SRSF11: variants seen among roughly 807,000 people sequenced by gnomAD.
The protein encoded by SRSF11 is serine/arginine-rich splicing factor 11.
SRSF11 carries 9 observed loss-of-function variants against 56.0 expected under a neutral mutation model. The ratio of observed to expected loss-of-function variants is 0.16; its 90% CI spans 0.10 to 0.28. The LOEUF is 0.28. Among genes scored for constraint, SRSF11 ranks in the 10% least tolerant of loss-of-function variants. The pLI is 1.00. For missense variants in SRSF11, 421 were observed against 600.7 expected, an observed-to-expected ratio of 0.70 and a Z score of 3.13; for synonymous variants, 222 against 215.3, an observed-to-expected ratio of 1.03 and a Z score of -0.27.
At chr1:70,230,251 A>C in intron 2 of SRSF11, 1 of 1,000,444 alleles carries the variant, frequency 1.0e-6, no homozygotes, top group Non-Finnish European at 1.2e-6. Context: ...AATTAGGGGA[A>C]TATTTCATTC....
At chr1:70,235,639 T>C (rs1199662452) in intron 5 of SRSF11, 89 bp downstream of exon 5, 4 of 1,277,326 alleles carry the variant, frequency 3.1e-6, no homozygotes, top group Admixed American at 4.6e-5. Context: ...AAGAAAGTTA[T>C]CAAGTTATCT....
chr1:70,227,583 A>G (rs767661997), intron 1 of SRSF11, among the ~76,000 whole-genome samples: 14 of 152,140 alleles, frequency 9.2e-5, no homozygotes, highest in Admixed American at 3.9e-4. Context: ...AACTTTTGGT[A>G]TGGGCTTGAG....
chr1:70,222,352 G>A (rs963942824), intron 1 of SRSF11, among the ~76,000 whole-genome samples: 15 of 152,170 alleles, frequency 9.9e-5, no homozygotes, highest in Non-Finnish European at 1.9e-4. Flanking sequence ...GCTTAGTTTA[G>A]TGTGAGCCTG....
chr1:70,249,881 A>G (rs1354015128), intron 9 of SRSF11, 71 bp from the exon 10 acceptor site: 6 of 1,487,532 alleles, frequency 4.0e-6, no homozygotes, highest in East Asian at 2.3e-5. Flanking sequence ...TGTTAGAATC[A>G]TCTATGATGT....
intron 2 of SRSF11, chr1:70,231,931 CTG>C (rs1224734409): frequency 1.3e-6 from 2 of 1,530,552 alleles, no homozygotes; most frequent in East Asian, 2.5e-5. Flanking sequence ...GGAGAACCGA[CTG>C]TGCTTGCTTA....
intron 2 of SRSF11, chr1:70,230,909 A>G: frequency 8.4e-7 from 1 of 1,192,186 alleles, no homozygotes; most frequent in Non-Finnish European, 1.1e-6. Context: ...CTATATCTAA[A>G]TGATCTTCTC....
intron 9 of SRSF11, chr1:70,247,203 T>A: frequency 1.5e-6 from 1 of 677,054 alleles, no homozygotes; most frequent in Non-Finnish European, 1.9e-6. Flanking sequence ...TACTGAATTG[T>A]TCCATTAAGT....
At chr1:70,218,271 A>G (rs182813392), upstream of SRSF11, among the ~76,000 whole-genome samples, 47 of 152,368 alleles carry the variant, frequency 3.1e-4, no homozygotes, top group Middle Eastern at 3.4e-3. Flanking sequence ...CCTGGCCAAC[A>G]GGGCTGGTAT....
chr1:70,207,346 A>G (rs1669139875), intron 1 of SRSF11, among the ~76,000 whole-genome samples: 1 of 152,164 alleles, frequency 6.6e-6, no homozygotes, highest in African/African-American at 2.4e-5. Flanking sequence ...CTTATTTAAC[A>G]CAGTGACTAA....
At chr1:70,221,866 C>T (rs1279624094) in intron 1 of SRSF11, 27 bp downstream of exon 1, 3 of 1,612,546 alleles carry the variant, frequency 1.9e-6, no homozygotes, top group Non-Finnish European at 2.5e-6. Flanking sequence ...ATCACTGTTC[C>T]TGCTAACGCC....
At chr1:70,237,064 G>A (rs1443109357) in intron 5 of SRSF11, among the ~76,000 whole-genome samples, 1 of 152,068 alleles carries the variant, frequency 6.6e-6, no homozygotes, top group Non-Finnish European at 1.5e-5. Context: ...TGGGATTACA[G>A]GCGTGAGCCA....
rs537200414 is a variant in SRSF11 at position 70,232,410 on chromosome 1, G to GA, written c.447+40dup. 7.5e-4 allele frequency: 1,140 copies of GA among 1,514,590 alleles called. 1 individual carries two copies. Among genetic ancestry groups the GA allele is most frequent in the Non-Finnish European group, 9.5e-4 (1,057 of 1,108,546 alleles). 93.8% of individuals were successfully genotyped at this position (1,514,590 alleles called of 1,614,324 possible). On this transcript the variant is annotated intron_variant, in intron 3 of 11. Transcript: ENST00000370949. ...TTCTATTGAATTCTTAAAGGGTGGGGAAAAAAACAGAATTGTGCATAAAGC... is the reference window on the plus strand; with the variant it reads ...TTCTATTGAATTCTTAAAGGGTGGGGAAAAAAAACAGAATTGTGCATAAAGC...
chr1:70,205,999 TGTG>T (rs1290673558), intron 1 of SRSF11, among the ~76,000 whole-genome samples: 3 of 152,252 alleles, frequency 2.0e-5, no homozygotes, highest in East Asian at 1.9e-4. Flanking sequence ...GTTTGTCGCT[TGTG>T]GTGGTGGCGC....
chr1:70,215,316 A>G (rs1277187406), intron 1 of SRSF11, among the ~76,000 whole-genome samples: 1 of 152,244 alleles, frequency 6.6e-6, no homozygotes, highest in Non-Finnish European at 1.5e-5. Flanking sequence ...AGTTTGCTCA[A>G]CCAAATTTCC....
intron 1 of SRSF11, among the ~76,000 whole-genome samples, chr1:70,211,694 C>T (rs865978242): frequency 1.3e-5 from 2 of 151,976 alleles, no homozygotes; most frequent in Admixed American, 6.6e-5. Context: ...TTTTTTCCAT[C>T]CTTTGCAATA....
At chr1:70,245,499 C>G (rs1160714798) in intron 8 of SRSF11, among the ~76,000 whole-genome samples, 1 of 152,088 alleles carries the variant, frequency 6.6e-6, no homozygotes, top group African/African-American at 2.4e-5. Context: ...ATTAATAGAA[C>G]AGTTATACAA....
In SRSF11 at chr1:70,237,350, A is replaced by G. The variant is rs538405751; in HGVS notation, c.591-75A>G. 2.5e-6 allele frequency: 4 copies of G among 1,570,482 alleles called. No individual in the cohort carries two copies. In the South Asian group the frequency reaches 4.7e-5, roughly 19 times the overall value. ...GAATATTTTGCTAAAATAATGTTAT[A>G]TACTTAAGTATTTATTTGAAATGCT... On this transcript the variant is annotated intron_variant, in intron 5 of 11. Transcript: ENST00000370949.
upstream of SRSF11, among the ~76,000 whole-genome samples, chr1:70,219,719 T>C (rs1253352234): frequency 1.3e-5 from 2 of 152,224 alleles, no homozygotes; most frequent in Non-Finnish European, 2.9e-5. Context: ...CTCTAGCTAA[T>C]GTTAGTTGAT....
At chr1:70,207,937 C>T (rs1391799940) in intron 1 of SRSF11, among the ~76,000 whole-genome samples, 1 of 152,044 alleles carries the variant, frequency 6.6e-6, no homozygotes, top group Non-Finnish European at 1.5e-5. Flanking sequence ...TCTTGAACTC[C>T]TGGCCTCAAG....
Sources: gnomAD v4.1 joint callset for allele counts (sites outside exome capture counted in the v4.1 genomes callset) on GRCh38, gnomAD v4.1.1 for gene constraint, MANE v1.5 for transcripts, NCBI Gene and HGNC (gene_info 2026-07-23, HGNC 2026-07-21) for gene names.